Variants in FSTL4 observed in about 807,000 individuals in gnomAD.
FSTL4 encodes the protein follistatin like 4, also known as follistatin-related protein 4.
FSTL4 carries 28 observed loss-of-function variants against 78.2 expected under a neutral mutation model. That is an observed-to-expected ratio of 0.36 (90% confidence interval 0.27 to 0.49). The LOEUF is 0.49. Ranked by LOEUF, FSTL4 falls within the 20% of genes least tolerant of loss-of-function variation. FSTL4 has a pLI of 0.98. For missense variants in FSTL4, 922 were observed against 1,084.9 expected, an observed-to-expected ratio of 0.85 and a Z score of 2.11; for synonymous variants, 422 against 440.5, an observed-to-expected ratio of 0.96 and a Z score of 0.53.
the FSTL4 span, among the ~76,000 whole-genome samples, chr5:133,622,095 T>C: frequency 2.6e-5 from 4 of 152,290 alleles, no homozygotes; most frequent in African/African-American, 9.6e-5. Context: ...CATTTTTTTT[T>C]CTCAATTTTA....
chr5:133,823,818 C>A, the FSTL4 span, among the ~76,000 whole-genome samples: 1 of 152,186 alleles, frequency 6.6e-6, no homozygotes, highest in African/African-American at 2.4e-5. Context: ...CCTCCAAAGC[C>A]AGCCTGCCCC....
the FSTL4 span, among the ~76,000 whole-genome samples, chr5:133,651,610 C>G: frequency 9.3e-5 from 14 of 151,256 alleles, no homozygotes; most frequent in East Asian, 2.7e-3. Flanking sequence ...TAGTGTATAA[C>G]TCCTTTTAAA....
intron 14 of FSTL4, among the ~76,000 whole-genome samples, chr5:133,205,357 C>G (rs1380265847): frequency 6.6e-6 from 1 of 151,170 alleles, no homozygotes; most frequent in African/African-American, 2.4e-5. Context: ...CATTTAGACA[C>G]ATTCCTGGAT....
the FSTL4 span, among the ~76,000 whole-genome samples, chr5:133,630,757 T>C: frequency 6.6e-6 from 1 of 152,212 alleles, no homozygotes; most frequent in South Asian, 2.1e-4. Flanking sequence ...AAGGCTACAG[T>C]AACCAAAACA....
Position 133,426,558 on chromosome 5 carries a change from G to T in FSTL4, c.161-25572C>A, listed in dbSNP as rs1756822087. ...TGGCCAATTAGCAGCAGAGGAAACT[G>T]AACTGTACCGTGGGTTGGGGAATGA... is the stretch of plus-strand genomic sequence containing the variant. On this transcript the variant is annotated intron_variant, in intron 3 of 15. Transcript: ENST00000265342. This position sits in a 1 kb window ranked among gnomAD's most constrained non-coding sequence, Gnocchi z 5.0. Among the ~76,000 whole-genome samples, 1 of 152,166 alleles carries T rather than the reference G, an allele frequency of 6.6e-6. No individual in the cohort carries two copies. The highest frequency in any genetic ancestry group is 1.9e-4 in the East Asian group (1 of 5,194).
intron 2 of FSTL4, among the ~76,000 whole-genome samples, chr5:133,601,935 C>T (rs139535944): frequency 6.6e-6 from 1 of 151,916 alleles, no homozygotes; most frequent in Non-Finnish European, 1.5e-5. Flanking sequence ...CTGCCCACCT[C>T]GGCCTCTCAA....
intron 3 of FSTL4, among the ~76,000 whole-genome samples, chr5:133,550,653 G>A (rs946805981): frequency 6.6e-6 from 1 of 152,154 alleles, no homozygotes; most frequent in Non-Finnish European, 1.5e-5. Context: ...GAAAACCAAA[G>A]CACAGAAGTT....
At chr5:133,235,519 GAC>G (rs1246118425) in intron 7 of FSTL4, among the ~76,000 whole-genome samples, 2 of 109,964 alleles carry the variant, frequency 1.8e-5, no homozygotes, top group African/African-American at 6.8e-5. Flanking sequence ...AAAAAAAAAA[GAC>G]ACTTTCTGGC....
chr5:133,700,415 C>T, the FSTL4 span, among the ~76,000 whole-genome samples: 2 of 151,660 alleles, frequency 1.3e-5, no homozygotes, highest in East Asian at 3.9e-4. Context: ...ACCAAAGCAC[C>T]ACACCAAACC....
chr5:133,669,243 C>T, the FSTL4 span, among the ~76,000 whole-genome samples: 4 of 152,172 alleles, frequency 2.6e-5, no homozygotes, highest in Admixed American at 6.5e-5. Flanking sequence ...GCTACGGAGA[C>T]CCAGCTCTTC....
chr5:133,560,231 G>A (rs910129626), intron 3 of FSTL4, among the ~76,000 whole-genome samples: 9 of 152,240 alleles, frequency 5.9e-5, no homozygotes, highest in African/African-American at 2.2e-4. Flanking sequence ...TCCATCGTGA[G>A]CCCTGAGCTA....
chr5:133,449,709 C>A (rs371508068), intron 3 of FSTL4, among the ~76,000 whole-genome samples: 33 of 152,346 alleles, frequency 2.2e-4, no homozygotes, highest in African/African-American at 7.9e-4. Context: ...AGTTCCCAGA[C>A]TTCTGTCTGA....
intron 3 of FSTL4, among the ~76,000 whole-genome samples, chr5:133,565,121 T>C (rs1759999380): frequency 6.6e-6 from 1 of 152,204 alleles, no homozygotes; most frequent in African/African-American, 2.4e-5. Context: ...CTGGGCCTTG[T>C]AAGCTGTGCA....
chr5:133,818,956 C>T, the FSTL4 span, among the ~76,000 whole-genome samples: 193 of 16,300 alleles, frequency 0.012, 1 homozygote, highest in African/African-American at 0.018. Context: ...TGTACACACA[C>T]ACACACGTAC....
At chr5:133,637,926 G>A in the FSTL4 span, among the ~76,000 whole-genome samples, 11 of 149,262 alleles carry the variant, frequency 7.4e-5, no homozygotes, top group African/African-American at 2.5e-4. Flanking sequence ...GGGTGACAGA[G>A]TAAGACTCCG....
the FSTL4 span, among the ~76,000 whole-genome samples, chr5:133,758,048 T>C: frequency 1.4e-4 from 21 of 152,316 alleles, no homozygotes; most frequent in East Asian, 4.0e-3. Context: ...ATAGGTAATG[T>C]TTGCTTTTAT....
chr5:133,394,757 A>C (rs538675763), intron 4 of FSTL4, among the ~76,000 whole-genome samples: 1 of 152,364 alleles, frequency 6.6e-6, no homozygotes, highest in African/African-American at 2.4e-5. Context: ...CGGGACTGGC[A>C]GGCAGCTCCA....
the FSTL4 span, among the ~76,000 whole-genome samples, chr5:133,691,621 C>A: frequency 1.2e-3 from 184 of 152,240 alleles, no homozygotes; most frequent in African/African-American, 4.1e-3. Context: ...AAGTCTCACA[C>A]TGAACCCCGC....
intron 4 of FSTL4, among the ~76,000 whole-genome samples, chr5:133,396,514 AC>A (rs1208958193): frequency 1.3e-5 from 2 of 152,158 alleles, no homozygotes; most frequent in Non-Finnish European, 2.9e-5. Context: ...TGACAGCATC[AC>A]AGCCCTGCAG....
Sources: gnomAD v4.1 joint callset for allele counts (sites outside exome capture counted in the v4.1 genomes callset) on GRCh38, gnomAD v4.1.1 for gene constraint, Gnocchi (gnomAD v3.1) non-coding constraint, MANE v1.5 for transcripts, NCBI Gene and HGNC (gene_info 2026-07-23, HGNC 2026-07-21) for gene names.